The following LINGO2 variants were observed in gnomAD, a reference collection of about 807,000 sequenced individuals.
LINGO2 encodes leucine rich repeat and Ig domain containing 2.
A neutral mutation model predicts 30.6 loss-of-function variants in LINGO2; 14 were observed. The ratio of observed to expected loss-of-function variants is 0.46; its 90% CI spans 0.30 to 0.72. LINGO2 has a LOEUF of 0.72. Among genes scored for constraint, LINGO2 ranks in the 30% least tolerant of loss-of-function variants. LINGO2 has a pLI of 0.07. For synonymous variants in LINGO2, 317 were observed against 288.5 expected (o/e 1.10, Z -1.00); for missense variants, 729 against 751.7 (o/e 0.97, Z 0.35).
At chr9:28,675,703 T>C in the LINGO2 span, among the ~76,000 whole-genome samples, 2 of 151,506 alleles carry the variant, frequency 1.3e-5, no homozygotes, top group Non-Finnish European at 2.9e-5. Flanking sequence ...AAACCCTGTC[T>C]CTACTAAACA....
Position 28,148,810 on chromosome 9 carries a change from G to A in LINGO2, c.-86-136405C>T, listed in dbSNP as rs1206689408. ...CAGGCTGCTCCCTGTGGCCAGAGAA[G>A]GCGGCCTTGAAGGTGCTGGGTAAAG... On this transcript the variant is annotated intron_variant, in intron 4 of 5. Transcript: ENST00000379992. This position sits in a 1 kb window ranked among gnomAD's most constrained non-coding sequence, Gnocchi z 5.1. 1 of 1,533,830 alleles carries A rather than the reference G, an allele frequency of 6.5e-7. No individual in the cohort carries two copies. The highest frequency in any genetic ancestry group is 1.4e-5 in the African/African-American group (1 of 72,978).
intron 1 of LINGO2, among the ~76,000 whole-genome samples, chr9:28,576,857 C>G (rs897305076): frequency 7.9e-5 from 12 of 152,134 alleles, no homozygotes; most frequent in Non-Finnish European, 1.6e-4. Context: ...CAAGCTCACC[C>G]AAAATAGTAG....
At chr9:29,030,510 C>T in the LINGO2 span, among the ~76,000 whole-genome samples, 1 of 152,158 alleles carries the variant, frequency 6.6e-6, no homozygotes, top group Non-Finnish European at 1.5e-5. Flanking sequence ...TTTCCTCCAA[C>T]CTATGACAGT....
intron 4 of LINGO2, among the ~76,000 whole-genome samples, chr9:28,174,468 C>T (rs1232792579): frequency 6.6e-6 from 1 of 152,076 alleles, no homozygotes; most frequent in African/African-American, 2.4e-5. Context: ...CTCTCTCTCC[C>T]TCTGTCTCAC....
At chr9:28,505,234 T>G (rs1309758279) in intron 1 of LINGO2, among the ~76,000 whole-genome samples, 1 of 151,866 alleles carries the variant, frequency 6.6e-6, no homozygotes, top group Non-Finnish European at 1.5e-5. Flanking sequence ...GGGGAAAATA[T>G]GAGACATTTT....
intron 4 of LINGO2, among the ~76,000 whole-genome samples, chr9:28,089,005 G>A (rs1291052354): frequency 6.6e-6 from 1 of 152,170 alleles, no homozygotes; most frequent in Non-Finnish European, 1.5e-5. Flanking sequence ...AATTCAACAA[G>A]AAGAGCTAAC....
chr9:29,048,921 C>T, the LINGO2 span, among the ~76,000 whole-genome samples: 21 of 152,150 alleles, frequency 1.4e-4, no homozygotes, highest in African/African-American at 4.8e-4. Context: ...ATTTCTTAAG[C>T]AATACCCTGT....
At chr9:28,020,531 A>AAAAACAAAACAAAAC (rs138914532) in intron 4 of LINGO2, among the ~76,000 whole-genome samples, 1 of 148,572 alleles carries the variant, frequency 6.7e-6, no homozygotes, top group African/African-American at 2.5e-5. Flanking sequence ...TCTGTCTTAT[A>AAAAACAAAACAAAAC]AAAACAAAAC....
At chr9:28,120,458 C>T (rs1827062448) in intron 4 of LINGO2, among the ~76,000 whole-genome samples, 1 of 152,072 alleles carries the variant, frequency 6.6e-6, no homozygotes, top group Non-Finnish European at 1.5e-5. Context: ...GGCTGAATGC[C>T]AAAGAAAACA....
the LINGO2 span, among the ~76,000 whole-genome samples, chr9:28,786,462 A>C: frequency 1.3e-5 from 2 of 152,114 alleles, no homozygotes; most frequent in African/African-American, 2.4e-5. Flanking sequence ...AGTTGAGTAA[A>C]TGTTCCATAG....
chr9:28,143,964 A>G (rs533456258), intron 4 of LINGO2, among the ~76,000 whole-genome samples: 1 of 152,320 alleles, frequency 6.6e-6, no homozygotes, highest in East Asian at 1.9e-4. Context: ...CTTAACTTAG[A>G]AGCATAAACT....
At chr9:29,166,538 C>T in the LINGO2 span, among the ~76,000 whole-genome samples, 2 of 152,062 alleles carry the variant, frequency 1.3e-5, no homozygotes, top group African/African-American at 2.4e-5. Flanking sequence ...AAAAACTAGT[C>T]TGAGAAGATA....
chr9:28,150,895 A>G (rs1291879119), intron 4 of LINGO2, among the ~76,000 whole-genome samples: 1 of 152,226 alleles, frequency 6.6e-6, no homozygotes, highest in East Asian at 1.9e-4. Flanking sequence ...ATCATAGAGG[A>G]TATTAAGAAT....
At chr9:28,616,314 T>C (rs577663778) in intron 1 of LINGO2, among the ~76,000 whole-genome samples, 1 of 152,294 alleles carries the variant, frequency 6.6e-6, no homozygotes, top group South Asian at 2.1e-4. Flanking sequence ...TGTATATGCA[T>C]GCATGCACAT....
chr9:28,482,617 T>A (rs543516701), intron 1 of LINGO2, among the ~76,000 whole-genome samples: 8 of 152,292 alleles, frequency 5.3e-5, no homozygotes, highest in Middle Eastern at 3.4e-3. Flanking sequence ...GTGCAGAAGC[T>A]CTTTAGTTTA....
chr9:27,960,059 A>G (rs1328421117), intron 5 of LINGO2, among the ~76,000 whole-genome samples: 1 of 151,986 alleles, frequency 6.6e-6, no homozygotes, highest in Non-Finnish European at 1.5e-5. Context: ...TGTTGGGGTA[A>G]TATATTGGGG....
intron 4 of LINGO2, among the ~76,000 whole-genome samples, chr9:28,162,037 T>C (rs1828302014): frequency 4.6e-5 from 7 of 152,212 alleles, no homozygotes; most frequent in Admixed American, 4.6e-4. Flanking sequence ...TCAAAATTTC[T>C]TTGAAATTTT....
intron 1 of LINGO2, among the ~76,000 whole-genome samples, chr9:28,560,586 AGGCATTATTTG>A (rs1822993534): frequency 6.6e-6 from 1 of 152,070 alleles, no homozygotes. Context: ...AAAGACTAGC[AGGCATTATTTG>A]GGTGTGATTA....
At chr9:28,773,375 A>T in the LINGO2 span, among the ~76,000 whole-genome samples, 1 of 151,740 alleles carries the variant, frequency 6.6e-6, no homozygotes, top group Non-Finnish European at 1.5e-5. Flanking sequence ...AGAAAAAAAA[A>T]AAAAAAGTGA....
Sources: gnomAD v4.1 joint callset for allele counts (sites outside exome capture counted in the v4.1 genomes callset) on GRCh38, gnomAD v4.1.1 for gene constraint, Gnocchi (gnomAD v3.1) non-coding constraint, MANE v1.5 for transcripts, NCBI Gene and HGNC (gene_info 2026-07-23, HGNC 2026-07-21) for gene names.